The following PDZD2 variants were observed in gnomAD, a reference collection of about 807,000 sequenced individuals.
PDZD2 encodes the protein PDZ domain containing 2.
PDZD2 carries 90 observed loss-of-function variants against 220.7 expected under a neutral mutation model. The observed-to-expected ratio is 0.41, with a 90% CI of 0.34 to 0.49. The LOEUF (loss-of-function observed/expected upper bound fraction) is 0.49. Among genes scored for constraint, PDZD2 ranks in the 20% least tolerant of loss-of-function variants. The probability of loss-of-function intolerance (pLI) is 0.28; values close to 1 mark genes in which losing one functional copy is unlikely to be tolerated. For missense variants in PDZD2, 3,174 were observed against 3,608.5 expected (o/e 0.88, Z 3.08); for synonymous variants, 1,375 against 1,450.5 (o/e 0.95, Z 1.18).
At chr5:31,986,076 CAAA>C (rs55659088) in intron 3 of PDZD2, among the ~76,000 whole-genome samples, 6 of 102,698 alleles carry the variant, frequency 5.8e-5, no homozygotes, top group Admixed American at 2.3e-4. Flanking sequence ...ACTCTTGTCT[CAAA>C]AAAAAAAAAA....
At chr5:31,926,551 TTAAAAG>T (rs1744795242) in intron 2 of PDZD2, among the ~76,000 whole-genome samples, 2 of 98,270 alleles carry the variant, frequency 2.0e-5, no homozygotes, top group South Asian at 6.6e-4. Flanking sequence ...AAAAAGAAAA[TTAAAAG>T]CTAAAAAATA....
Position 32,089,559 on chromosome 5 carries a change from T to G in PDZD2, c.6111T>G (p.Ser2037Arg). 1 of 1,611,836 alleles carries G rather than the reference T, an allele frequency of 6.2e-7. No homozygotes were observed. The highest frequency in any genetic ancestry group is 8.5e-7 in the Non-Finnish European group (1 of 1,179,938). The change falls in exon 20 of 25, where the codon AGT becomes AGG. Residue 2037 changes from serine to arginine, a missense_variant. By Grantham distance (110) the Ser-to-Arg change is moderately radical. Transcript: ENST00000438447. Reference sequence around the variant, plus strand: ...CCCGTGCTGACTCCGGGCCGGTGAGTCCGGCAGCGTCTAGGAACGGCATGT... The same window carrying G: ...CCCGTGCTGACTCCGGGCCGGTGAGGCCGGCAGCGTCTAGGAACGGCATGT... ...RAPRADSGPV[S>R]PAASRNGMSV...
At chr5:31,999,172 G>A (rs1177947087) in intron 4 of PDZD2, among the ~76,000 whole-genome samples, 8 of 150,830 alleles carry the variant, frequency 5.3e-5, no homozygotes, top group South Asian at 4.2e-4. Flanking sequence ...TGTGTACACC[G>A]TGTTTGTAGC....
chr5:31,658,855 G>A lies in PDZD2; in HGVS notation c.-361+19418G>A, dbSNP rs535753885. ...AGGCTGGTCTTGAATTCCTGACCTC[G>A]TGATCCGCCCGCCTCATCATCCCAA... On this transcript the variant is annotated intron_variant, in intron 1 of 24. Transcript: ENST00000438447. 1.1e-4 allele frequency among the ~76,000 whole-genome samples: 16 copies of A among 152,130 alleles called. No individual in the cohort carries two copies. In the East Asian group the frequency reaches 2.7e-3, roughly 26 times the overall value.
rs1262900295 is a variant in PDZD2 at position 31,687,014 on chromosome 5, GA to G, written c.-361+47578del. Reference sequence around the variant, plus strand: ...CTGTGAGCCTAAAGAGGACCCCAACGAGGCTGTTATAGACACCAGAGGGAAT... The same window carrying G: ...CTGTGAGCCTAAAGAGGACCCCAACGGGCTGTTATAGACACCAGAGGGAAT... On this transcript the variant is annotated intron_variant, in intron 1 of 24. Transcript: ENST00000438447. Among the ~76,000 whole-genome samples the G allele has an allele frequency of 2.6e-5, 4 of 152,096 alleles. No individual in the cohort carries two copies. In the East Asian group the frequency reaches 7.7e-4, roughly 29 times the overall value.
rs758665204 is a variant in PDZD2, at chr5:32,057,711, G to A, written c.1957G>A (p.Ala653Thr). The A allele has an allele frequency of 3.8e-6, 6 of 1,587,588 alleles. No homozygotes were observed. The highest frequency in any genetic ancestry group is 1.1e-5 in the South Asian group (1 of 89,800). Reference protein sequence around the residue: ...IPIKGLTFQEAIHTFKQIRSG... With the variant: ...IPIKGLTFQETIHTFKQIRSG... ...AATAAAGGGCTTGACATTTCAAGAA[G>A]CCATTCATACCTTTAAGGTAACAAC... Residue 653 changes from alanine to threonine, a missense_variant, in exon 11 of 25, where the codon GCC (alanine) becomes ACC (threonine). Ala to Thr is a moderately conservative substitution (Grantham distance 58). Transcript: ENST00000438447.
intron 6 of PDZD2, among the ~76,000 whole-genome samples, chr5:32,035,700 C>T (rs1755483024): frequency 6.6e-6 from 1 of 152,050 alleles, no homozygotes; most frequent in African/African-American, 2.4e-5. Context: ...TGAGAAGTGA[C>T]ACTATAATTA....
chr5:31,880,366 A>C (rs1297710407), intron 2 of PDZD2, among the ~76,000 whole-genome samples: 2 of 152,240 alleles, frequency 1.3e-5, no homozygotes, highest in Admixed American at 6.5e-5. Context: ...GCATATCAAG[A>C]TTCCATGCCA....
At chr5:31,895,352 A>T (rs1741449647) in intron 2 of PDZD2, among the ~76,000 whole-genome samples, 1 of 152,158 alleles carries the variant, frequency 6.6e-6, no homozygotes, top group South Asian at 2.1e-4. Flanking sequence ...GAGTGCCATT[A>T]TGAATGAGGC....
At chr5:31,756,627 C>T (rs938975663) in intron 1 of PDZD2, among the ~76,000 whole-genome samples, 1 of 152,204 alleles carries the variant, frequency 6.6e-6, no homozygotes, top group African/African-American at 2.4e-5. Context: ...GGGCACCCCA[C>T]AGAGTGAACA....
chr5:31,895,912 C>T (rs961147119), intron 2 of PDZD2, among the ~76,000 whole-genome samples: 1 of 152,156 alleles, frequency 6.6e-6, no homozygotes, highest in Non-Finnish European at 1.5e-5. Flanking sequence ...GGGGAACTGG[C>T]TTTACTAAGC....
At chr5:31,948,294 C>T (rs1204726738) in intron 2 of PDZD2, among the ~76,000 whole-genome samples, 1 of 152,036 alleles carries the variant, frequency 6.6e-6, no homozygotes, top group Non-Finnish European at 1.5e-5. Context: ...TGCTCAGGGG[C>T]GAGGGCTGTC....
chr5:32,010,502 T>A lies in PDZD2; in HGVS notation c.1407+20T>A. ...AGAGCAGTAAGTGGCTCTGTGCTCC[T>A]GGCTTTCTGTTGGAATTACTTTTTT... On this transcript the variant is annotated intron_variant, in intron 6 of 24. Coordinates refer to ENST00000438447, the MANE Select transcript of PDZD2 (RefSeq NM_178140.4). The A allele has an allele frequency of 6.3e-7, 1 of 1,587,250 alleles. No individual in the cohort carries two copies.
At chr5:31,804,409 TC>T (rs1250747729) in intron 2 of PDZD2, among the ~76,000 whole-genome samples, 1 of 152,174 alleles carries the variant, frequency 6.6e-6, no homozygotes, top group African/African-American at 2.4e-5. Context: ...GATTTTTCAC[TC>T]CCTACTTCTC....
chr5:31,973,023 C>T (rs1191429438), intron 2 of PDZD2, among the ~76,000 whole-genome samples: 2 of 152,170 alleles, frequency 1.3e-5, no homozygotes, highest in East Asian at 3.8e-4. Flanking sequence ...CTCTGCAGTA[C>T]GTTTTATAAA....
intron 1 of PDZD2, among the ~76,000 whole-genome samples, chr5:31,680,340 T>C (rs1746602875): frequency 6.6e-6 from 1 of 152,118 alleles, no homozygotes; most frequent in African/African-American, 2.4e-5. Flanking sequence ...AACTTTTGCT[T>C]GGTAGACATT....
At chr5:31,702,507 G>A (rs145369643) in intron 1 of PDZD2, among the ~76,000 whole-genome samples, 10 of 152,220 alleles carry the variant, frequency 6.6e-5, no homozygotes, top group South Asian at 2.1e-4. Context: ...GGCAGAAGTC[G>A]GCCTTCCAGA....
intron 2 of PDZD2, among the ~76,000 whole-genome samples, chr5:31,958,255 TTTTG>T (rs1417775859): frequency 7.8e-4 from 18 of 22,974 alleles, no homozygotes; most frequent in Non-Finnish European, 4.5e-4. Context: ...TTTGTTTGCT[TTTTG>T]TTTTTTTTTT....
chr5:32,069,158 T>G (rs1740511111), intron 14 of PDZD2, among the ~76,000 whole-genome samples: 2 of 149,962 alleles, frequency 1.3e-5, no homozygotes, highest in South Asian at 4.2e-4. Context: ...CCCAGCTACT[T>G]GGGAGGCTGA....
Sources: allele counts gnomAD v4.1 joint callset (sites outside exome capture counted in the v4.1 genomes callset), GRCh38; gene constraint gnomAD v4.1.1; transcripts MANE v1.5; gene names NCBI Gene and HGNC (gene_info 2026-07-23, HGNC 2026-07-21).